The following IPCEF1 variants were observed in gnomAD, a reference collection of about 807,000 sequenced individuals.
The protein encoded by IPCEF1 is interaction protein for cytohesin exchange factors 1.
In IPCEF1, 31 loss-of-function variants were observed where a neutral mutation model predicts 50.9. The observed-to-expected ratio is 0.61, with a 90% CI of 0.46 to 0.82. IPCEF1 has a LOEUF of 0.82. Among genes scored for constraint, IPCEF1 ranks in the 40% least tolerant of loss-of-function variants. The pLI, the probability that IPCEF1 is intolerant of heterozygous loss-of-function variation, is 0.00. For missense variants in IPCEF1, 458 were observed against 514.0 expected (o/e 0.89, Z 1.05); for synonymous variants, 181 against 192.0 (o/e 0.94, Z 0.47).
At chr6:154,276,045 A>G (rs980078979) in intron 2 of IPCEF1, among the ~76,000 whole-genome samples, 1 of 152,070 alleles carries the variant, frequency 6.6e-6, no homozygotes, top group African/African-American at 2.4e-5. Context: ...TTAGCTGGCC[A>G]TGGTGGCAGG....
At chr6:154,350,814 A>G (rs943088772) in intron 1 of IPCEF1, among the ~76,000 whole-genome samples, 1 of 152,138 alleles carries the variant, frequency 6.6e-6, no homozygotes, top group African/African-American at 2.4e-5. Flanking sequence ...TCAAACTCCT[A>G]TGCTCAAGAG....
At chr6:154,323,787 T>C (rs1276695911) in intron 1 of IPCEF1, among the ~76,000 whole-genome samples, 2 of 152,174 alleles carry the variant, frequency 1.3e-5, no homozygotes, top group Non-Finnish European at 2.9e-5. Flanking sequence ...ACCCTGTCTC[T>C]ACTAAAAATA....
rs541293949 is a variant in IPCEF1 at position 154,270,096 on chromosome 6, A to AATG, written c.-17-4135_-17-4133dup. Among the ~76,000 whole-genome samples the AATG allele has an allele frequency of 2.4e-3, 365 of 152,326 alleles. 4 individuals carry two copies. Among genetic ancestry groups the AATG allele is most frequent in the African/African-American group, 8.4e-3 (348 of 41,558 alleles). ...ATACATAAGAATTGAAGGAAGAAAT[A>AATG]ATGACTATTTGATATATCATGAGAA... On this transcript the variant is annotated intron_variant, in intron 2 of 11. Transcript: ENST00000367220.
intron 1 of IPCEF1, among the ~76,000 whole-genome samples, chr6:154,323,699 T>C (rs1783448499): frequency 6.6e-6 from 1 of 152,192 alleles, no homozygotes; most frequent in Admixed American, 6.5e-5. Flanking sequence ...ACACCTGTAA[T>C]CCCAACACTT....
intron 1 of IPCEF1, among the ~76,000 whole-genome samples, chr6:154,324,804 T>A (rs1783480092): frequency 6.6e-6 from 1 of 152,084 alleles, no homozygotes; most frequent in African/African-American, 2.4e-5. Context: ...AGAGATTCTG[T>A]CTCGAAACAA....
chr6:154,356,056 C>T (rs1393677209), intron 1 of IPCEF1, among the ~76,000 whole-genome samples: 4 of 152,198 alleles, frequency 2.6e-5, no homozygotes, highest in Admixed American at 6.5e-5. Context: ...ATAGAGCCCA[C>T]TGCTGTAGTC....
intron 5 of IPCEF1, among the ~76,000 whole-genome samples, chr6:154,237,031 C>T (rs535105476): frequency 1.0e-3 from 155 of 152,136 alleles, no homozygotes; most frequent in Non-Finnish European, 2.0e-3. Context: ...CTTCTTGAAA[C>T]ATGCTCTATG....
intron 7 of IPCEF1, among the ~76,000 whole-genome samples, chr6:154,216,498 T>C (rs1232382579): frequency 6.6e-6 from 1 of 152,224 alleles, no homozygotes; most frequent in African/African-American, 2.4e-5. Context: ...TGATCCACTG[T>C]ACTTCAAAAA....
Position 154,223,249 on chromosome 6 carries a change from A to C in IPCEF1, c.247-6T>G. 6.2e-7 allele frequency: 1 copy of C among 1,606,726 alleles called. No individual in the cohort carries two copies. The highest frequency in any genetic ancestry group is 1.3e-5 in the African/African-American group (1 of 74,908). On this transcript the variant is annotated splice_polypyrimidine_tract_variant and splice_region_variant and intron_variant, in intron 5 of 11. Transcript: ENST00000367220. Reference sequence around the variant, plus strand: ...AATCCATCAGCTTTCTCTGCCTGAAACAAATATATACCACAAATAGGAATG... The same window carrying C: ...AATCCATCAGCTTTCTCTGCCTGAACCAAATATATACCACAAATAGGAATG...
At chr6:154,355,232 C>T (rs955756421) in intron 1 of IPCEF1, among the ~76,000 whole-genome samples, 25 of 152,104 alleles carry the variant, frequency 1.6e-4, no homozygotes, top group Non-Finnish European at 3.1e-4. Flanking sequence ...AGCAAACTAC[C>T]GCAGGAAAGA....
chr6:154,308,531 G>A (rs1782994992), intron 1 of IPCEF1, among the ~76,000 whole-genome samples: 1 of 152,152 alleles, frequency 6.6e-6, no homozygotes, highest in East Asian at 1.9e-4. Flanking sequence ...CAAGGCAATA[G>A]AGGTTTAACA....
At chr6:154,340,191 C>A (rs1783879957) in intron 1 of IPCEF1, among the ~76,000 whole-genome samples, 1 of 152,078 alleles carries the variant, frequency 6.6e-6, no homozygotes, top group Admixed American at 6.6e-5. Context: ...GTCTTGACGA[C>A]ATGTGCCCAA....
In IPCEF1 at chr6:154,246,433, T is replaced by A. The variant is rs1055579472; in HGVS notation, c.246+158A>T. On this transcript the variant is annotated intron_variant, in intron 5 of 11. Coordinates refer to ENST00000367220, the MANE Select transcript of IPCEF1 (RefSeq NM_001130700.2). ...ATAAAACACAGAAGCATAACCTACA[T>A]ATCTACTGCACCAGAAATGGCTTCT... 2.0e-5 allele frequency among the ~76,000 whole-genome samples: 3 copies of A among 152,338 alleles called. No homozygotes were observed. The East Asian group carries it at 5.8e-4, about 29-fold the overall frequency.
intron 10 of IPCEF1, among the ~76,000 whole-genome samples, chr6:154,195,740 C>G (rs142285765): frequency 1.5e-3 from 221 of 151,742 alleles, no homozygotes; most frequent in African/African-American, 5.2e-3. Flanking sequence ...TCCTCCCACT[C>G]AGCCCATTAG....
chr6:154,172,118 G>T (rs1014882063), intron 10 of IPCEF1, among the ~76,000 whole-genome samples: 4 of 152,126 alleles, frequency 2.6e-5, no homozygotes, highest in African/African-American at 9.7e-5. Context: ...AAATATTTTT[G>T]ACTAAAACAT....
chr6:154,286,762 T>G (rs886344366), intron 2 of IPCEF1, among the ~76,000 whole-genome samples: 3 of 152,220 alleles, frequency 2.0e-5, no homozygotes, highest in Admixed American at 6.5e-5. Context: ...TTTGCCTTCA[T>G]GTTAGCATCA....
At chr6:154,220,280 A>G (rs1342047795) in intron 7 of IPCEF1, among the ~76,000 whole-genome samples, 2 of 152,202 alleles carry the variant, frequency 1.3e-5, no homozygotes, top group African/African-American at 2.4e-5. Flanking sequence ...AATAAGAGAC[A>G]CTAAGAATTC....
chr6:154,220,370 A>G (rs1778765171), intron 7 of IPCEF1, among the ~76,000 whole-genome samples: 1 of 152,224 alleles, frequency 6.6e-6, no homozygotes, highest in African/African-American at 2.4e-5. Context: ...TCAAACAGCC[A>G]TTGTTGACCA....
At chr6:154,205,076 T>C (rs1017649556) in intron 9 of IPCEF1, among the ~76,000 whole-genome samples, 1 of 152,208 alleles carries the variant, frequency 6.6e-6, no homozygotes, top group Admixed American at 6.5e-5. Flanking sequence ...GGGTCTTCCA[T>C]GACAGAGCAG....
Sources: allele counts gnomAD v4.1 joint callset (sites outside exome capture counted in the v4.1 genomes callset), GRCh38; gene constraint gnomAD v4.1.1; transcripts MANE v1.5; gene names NCBI Gene and HGNC (gene_info 2026-07-23, HGNC 2026-07-21).